TANGO6: variants seen among roughly 807,000 people sequenced by gnomAD.
The protein encoded by TANGO6 is transport and Golgi organization protein 6 homolog.
A neutral mutation model predicts 114.2 loss-of-function variants in TANGO6; 90 were observed. The observed-to-expected ratio is 0.79, with a 90% CI of 0.66 to 0.94. TANGO6 has a LOEUF of 0.94. TANGO6 is among the 40% of genes least tolerant of loss of function. The pLI is 0.00. For synonymous variants in TANGO6, 477 were observed against 509.8 expected (o/e 0.94, Z 0.87); for missense variants, 1,274 against 1,315.3 (o/e 0.97, Z 0.49).
intron 7 of TANGO6, among the ~76,000 whole-genome samples, chr16:68,896,485 A>G (rs1962706702): frequency 6.6e-6 from 1 of 151,278 alleles, no homozygotes; most frequent in Middle Eastern, 3.4e-3. Flanking sequence ...GCTAATTTTT[A>G]TTTTTTGTAG....
intron 14 of TANGO6, among the ~76,000 whole-genome samples, chr16:68,952,010 G>C (rs1387384449): frequency 1.3e-5 from 2 of 152,032 alleles, no homozygotes; most frequent in African/African-American, 4.8e-5. Context: ...ATGGCTTCTG[G>C]GGCTCCTTTA....
At chr16:68,989,253 T>TTTTTTG (rs1380338843) in intron 15 of TANGO6, among the ~76,000 whole-genome samples, 1 of 152,080 alleles carries the variant, frequency 6.6e-6, no homozygotes, top group East Asian at 1.9e-4. Flanking sequence ...TATATTAGAT[T>TTTTTTG]TTTTTGTTCT....
chr16:68,989,821 T>C (rs1963932038), intron 15 of TANGO6, among the ~76,000 whole-genome samples: 1 of 152,176 alleles, frequency 6.6e-6, no homozygotes, highest in African/African-American at 2.4e-5. Context: ...GCAGCTCAAA[T>C]CTCAGTTCAG....
intron 14 of TANGO6, among the ~76,000 whole-genome samples, chr16:68,940,244 G>T (rs1236388054): frequency 1.4e-5 from 2 of 145,254 alleles, no homozygotes; most frequent in East Asian, 2.0e-4. Context: ...TCTTGACAGG[G>T]TCTCACTGTG....
At chr16:68,962,056 GA>G (rs981886696) in intron 14 of TANGO6, among the ~76,000 whole-genome samples, 1 of 152,172 alleles carries the variant, frequency 6.6e-6, no homozygotes, top group Non-Finnish European at 1.5e-5. Flanking sequence ...GAGCTTTAGA[GA>G]AGCTAAATAT....
At chr16:68,872,282 T>G (rs868809459) in intron 4 of TANGO6, among the ~76,000 whole-genome samples, 25 of 151,876 alleles carry the variant, frequency 1.6e-4, no homozygotes, top group African/African-American at 4.4e-4. Flanking sequence ...TCTGTTTTTT[T>G]GGGGTCTGTT....
intron 15 of TANGO6, among the ~76,000 whole-genome samples, chr16:68,974,617 C>T (rs1248341291): frequency 1.3e-5 from 2 of 152,048 alleles, no homozygotes; most frequent in Non-Finnish European, 2.9e-5. Flanking sequence ...GTCGAGATCG[C>T]GCCACTGTGC....
At chr16:68,896,030 T>A (rs987298437) in intron 7 of TANGO6, among the ~76,000 whole-genome samples, 3 of 151,382 alleles carry the variant, frequency 2.0e-5, no homozygotes, top group African/African-American at 4.9e-5. Context: ...GGCTGGAGTG[T>A]CTCACTCTGT....
chr16:68,915,615 TAG>T (rs1319664871), intron 11 of TANGO6, among the ~76,000 whole-genome samples: 1 of 152,186 alleles, frequency 6.6e-6, no homozygotes, highest in Admixed American at 6.5e-5. Flanking sequence ...CCCAAGATAG[TAG>T]AAACAGTTTC....
chr16:68,846,214 C>T (rs1961800034), intron 1 of TANGO6, among the ~76,000 whole-genome samples: 4 of 151,894 alleles, frequency 2.6e-5, no homozygotes, highest in Admixed American at 2.0e-4. Context: ...TTAATAGAGA[C>T]GGCGTTTCAC....
At chr16:68,987,343 TTTGTTGCTGTTG>T (rs564728844) in intron 15 of TANGO6, among the ~76,000 whole-genome samples, 15 of 152,090 alleles carry the variant, frequency 9.9e-5, no homozygotes, top group South Asian at 2.1e-4. Flanking sequence ...AATTTTAAAT[TTTGTTGCTGTTG>T]TTGTTGCTGT....
At chr16:69,046,509 T>A (rs1959861860) in intron 17 of TANGO6, among the ~76,000 whole-genome samples, 1 of 152,002 alleles carries the variant, frequency 6.6e-6, no homozygotes, top group East Asian at 1.9e-4. Flanking sequence ...GTAGACAGGT[T>A]TTCACCATGT....
Position 69,042,624 on chromosome 16 carries a change from C to T in TANGO6, c.3108+2203C>T, listed in dbSNP as rs117564027. On this transcript the variant is annotated intron_variant, in intron 17 of 17. Coordinates refer to ENST00000261778, the MANE Select transcript of TANGO6 (RefSeq NM_024562.2). ...CACTCACCTGGAAGGATGGAGGCTC[C>T]AGGGTTTTACTTAGGACCTTGATGG... Among the ~76,000 whole-genome samples the T allele has an allele frequency of 9.7e-4, 147 of 152,240 alleles. 3 individuals are homozygous for T. The East Asian group carries it at 0.026, about 27-fold the overall frequency.
At chr16:69,022,502 A>C (rs1300604232) in intron 15 of TANGO6, among the ~76,000 whole-genome samples, 2 of 152,126 alleles carry the variant, frequency 1.3e-5, no homozygotes, top group African/African-American at 2.4e-5. Flanking sequence ...CCGGGAGTTC[A>C]AGACCAGCCT....
At chr16:68,977,287 TGA>T (rs1963773773) in intron 15 of TANGO6, among the ~76,000 whole-genome samples, 1 of 151,888 alleles carries the variant, frequency 6.6e-6, no homozygotes, top group Non-Finnish European at 1.5e-5. Context: ...GAGAATTACT[TGA>T]GAGTGAAATT....
At chr16:68,914,868 A>G (rs1788236108) in intron 11 of TANGO6, among the ~76,000 whole-genome samples, 1 of 146,888 alleles carries the variant, frequency 6.8e-6, no homozygotes, top group Non-Finnish European at 1.5e-5. Flanking sequence ...TACAGTTAAC[A>G]GTTCCCTGGG....
At chr16:69,012,014 T>A (rs1482341804) in intron 15 of TANGO6, among the ~76,000 whole-genome samples, 1 of 152,250 alleles carries the variant, frequency 6.6e-6, no homozygotes, top group Admixed American at 6.5e-5. Context: ...TTGTCAAGTT[T>A]GTTCAAACAA....
chr16:68,886,002 C>A (rs1352464304), intron 7 of TANGO6, among the ~76,000 whole-genome samples: 2 of 152,190 alleles, frequency 1.3e-5, no homozygotes, highest in African/African-American at 4.8e-5. Flanking sequence ...TTTACGTTCC[C>A]ACCAGCAATG....
At chr16:68,963,552 T>A (rs765851856) in intron 14 of TANGO6, among the ~76,000 whole-genome samples, 1 of 152,226 alleles carries the variant, frequency 6.6e-6, no homozygotes, top group Non-Finnish European at 1.5e-5. Context: ...TCTCTTGATT[T>A]AAAAAATTTT....
Sources: gnomAD v4.1 joint callset for allele counts (sites outside exome capture counted in the v4.1 genomes callset) on GRCh38, gnomAD v4.1.1 for gene constraint, MANE v1.5 for transcripts, NCBI Gene and HGNC (gene_info 2026-07-23, HGNC 2026-07-21) for gene names.